The following RALGDS variants were observed in gnomAD, a reference collection of about 807,000 sequenced individuals.
RALGDS encodes the protein ral guanine nucleotide exchange factor.
Under a neutral mutation model 99.8 loss-of-function variants are expected in RALGDS, and 44 were observed. The ratio of observed to expected loss-of-function variants is 0.44; its 90% CI spans 0.35 to 0.57. The LOEUF is 0.57. Ranked by LOEUF, RALGDS falls within the 20% of genes least tolerant of loss-of-function variation. The pLI, the probability that RALGDS is intolerant of heterozygous loss-of-function variation, is 0.01. For missense variants in RALGDS, 1,022 were observed against 1,203.1 expected, an observed-to-expected ratio of 0.85 and a Z score of 2.23; for synonymous variants, 529 against 505.0, an observed-to-expected ratio of 1.05 and a Z score of -0.64.
upstream of RALGDS, among the ~76,000 whole-genome samples, chr9:133,124,161 T>TAGAGAC (rs1832073526): frequency 1.0e-5 from 1 of 100,368 alleles, no homozygotes; most frequent in African/African-American, 4.1e-5. Context: ...GACACATACA[T>TAGAGAC]AGAGACAGAG....
rs1231496341 is a variant in RALGDS, at chr9:133,141,549, C to T, written c.18+7414G>A. On this transcript the variant is annotated intron_variant, in intron 1 of 17. Coordinates refer to the RALGDS transcript ENST00000393160. Reference sequence around the variant, plus strand: ...GGGGACCTGTGCTGCTTCTAGGATGCCCAGCAATAAGCGCTGAGCTGGAAT... The same window carrying T: ...GGGGACCTGTGCTGCTTCTAGGATGTCCAGCAATAAGCGCTGAGCTGGAAT... Among the ~76,000 whole-genome samples, 7 of 145,128 alleles carry T rather than the reference C, an allele frequency of 4.8e-5. No individual in the cohort carries two copies. The East Asian group carries it at 1.2e-3, about 24-fold the overall frequency.
exon 1 of RALGDS, chr9:133,149,189 C>A (rs1832674537): frequency 6.6e-6 from 1 of 152,306 alleles, no homozygotes; most frequent in Admixed American, 6.8e-5. Flanking sequence ...CCGCGCCGCG[C>A]TCCGGCCGCT....
intron 11 of RALGDS, chr9:133,103,537 C>T: frequency 1.4e-6 from 1 of 693,290 alleles, no homozygotes; most frequent in East Asian, 2.7e-5. Context: ...CCTGGCTTCC[C>T]TCTGTGCTCA....
intron 1 of RALGDS, among the ~76,000 whole-genome samples, chr9:133,143,168 C>A (rs1385836847): frequency 6.6e-6 from 1 of 152,224 alleles, no homozygotes; most frequent in Non-Finnish European, 1.5e-5. Context: ...GCAATGGTGA[C>A]TGACCACGCC....
In RALGDS at chr9:133,098,341, G is replaced by A; in HGVS notation, c.*246C>T. 1.1e-5 allele frequency: 6 copies of A among 553,390 alleles called. No individual in the cohort carries two copies. The South Asian group carries it at 1.2e-4, about 11-fold the overall frequency. 34.3% of individuals were successfully genotyped at this position (553,390 alleles called of 1,614,324 possible). A position where few individuals can be genotyped will look rare whatever the true frequency, so the allele number is the denominator to read the frequency against. On this transcript the variant is annotated 3_prime_UTR_variant, in exon 18 of 18. Transcript: ENST00000372050. ...GCCATGCCCGTTGGCACTGCTCCTT[G>A]GCAAAAGTCAGCTAGTCCTCTGGTT...
chr9:133,135,980 A>G (rs187109611), upstream of RALGDS, among the ~76,000 whole-genome samples: 1 of 152,312 alleles, frequency 6.6e-6, no homozygotes, highest in East Asian at 1.9e-4. Flanking sequence ...CCATTTCTCT[A>G]CTGAAGGAGA....
At chr9:133,121,348 G>A (rs60289535), upstream of RALGDS, 2,869 of 504,676 alleles carry the variant, frequency 5.7e-3, 79 homozygotes, top group African/African-American at 0.054. Context: ...GGACGCGTGC[G>A]TGCGCGCGCC....
At chr9:133,119,592 C>G (rs1831806220) in intron 1 of RALGDS, among the ~76,000 whole-genome samples, 1 of 152,118 alleles carries the variant, frequency 6.6e-6, no homozygotes, top group Admixed American at 6.5e-5. Flanking sequence ...GAGCGCTCCG[C>G]CGGACCCTCC....
At chr9:133,146,438 C>T (rs901942720) in intron 1 of RALGDS, among the ~76,000 whole-genome samples, 4 of 152,124 alleles carry the variant, frequency 2.6e-5, no homozygotes, top group African/African-American at 4.8e-5. Flanking sequence ...GTGATCCACC[C>T]GCCTCGGCCT....
upstream of RALGDS, among the ~76,000 whole-genome samples, chr9:133,134,550 G>A (rs1272255726): frequency 6.6e-6 from 1 of 152,238 alleles, no homozygotes; most frequent in Non-Finnish European, 1.5e-5. Context: ...AAGGCAGGGT[G>A]TAAGTCCGGC....
chr9:133,112,835 C>T (rs562085094), intron 1 of RALGDS, among the ~76,000 whole-genome samples: 62 of 152,324 alleles, frequency 4.1e-4, no homozygotes, highest in African/African-American at 1.4e-3. Flanking sequence ...CTCGTGCCTG[C>T]TTGGGCAATG....
At position 133,121,200 on chromosome 9, in the gene RALGDS, G is replaced by GGGCGGCGGC. The variant is rs1831925340; in HGVS notation, c.-55_-47dup. On this transcript the variant is annotated 5_prime_UTR_variant, in exon 1 of 18. Transcript: ENST00000372050. ...GCGGGGCCGGCCCGGCGCGCGGCGG[G>GGGCGGCGGC]GGCGGCGGCGCGGCCCGCGCGGCTG... The GGGCGGCGGC allele has an allele frequency of 1.1e-6, 1 of 884,970 alleles. No individual in the cohort carries two copies. The highest frequency in any genetic ancestry group is 1.8e-5 in the African/African-American group (1 of 55,512). The allele number at this position is 884,970 out of a possible 1,614,324, so 54.8% of individuals were successfully genotyped here. A position where few individuals can be genotyped will look rare whatever the true frequency, so the allele number is the denominator to read the frequency against.
intron 4 of RALGDS, 28 bp from the exon 5 acceptor site, chr9:133,108,894 C>A: frequency 1.3e-6 from 2 of 1,591,746 alleles, no homozygotes; most frequent in South Asian, 1.1e-5. Flanking sequence ...GCAGCAGAGT[C>A]AGAGGCCTGG....
chr9:133,120,274 C>T (rs1162641500), intron 1 of RALGDS, among the ~76,000 whole-genome samples: 3 of 152,142 alleles, frequency 2.0e-5, no homozygotes, highest in Admixed American at 1.3e-4. Flanking sequence ...TTCTCTGAAT[C>T]CTACCCAGTC....
At chr9:133,137,542 C>T (rs1832447764) in intron 1 of RALGDS, among the ~76,000 whole-genome samples, 1 of 152,262 alleles carries the variant, frequency 6.6e-6, no homozygotes, top group Non-Finnish European at 1.5e-5. Context: ...GGCGCCTCTG[C>T]TCACCTGGCT....
intron 1 of RALGDS, among the ~76,000 whole-genome samples, chr9:133,140,425 C>T (rs1411664952): frequency 6.6e-6 from 1 of 152,134 alleles, no homozygotes; most frequent in Non-Finnish European, 1.5e-5. Context: ...CCCCTCCCTG[C>T]CTTCCTCCCT....
upstream of RALGDS, among the ~76,000 whole-genome samples, chr9:133,122,770 T>C (rs1831994420): frequency 6.6e-6 from 1 of 151,928 alleles, no homozygotes; most frequent in East Asian, 1.9e-4. Context: ...AGTGGTGTGA[T>C]CTCGGCTCAC....
chr9:133,147,575 T>C (rs1832643793), intron 1 of RALGDS, among the ~76,000 whole-genome samples: 1 of 152,144 alleles, frequency 6.6e-6, no homozygotes, highest in African/African-American at 2.4e-5. Context: ...TGGAGAGGGA[T>C]GCTAGTAATG....
intron 1 of RALGDS, among the ~76,000 whole-genome samples, chr9:133,112,542 G>GT (rs1339530541): frequency 6.6e-6 from 1 of 152,190 alleles, no homozygotes; most frequent in East Asian, 1.9e-4. Context: ...GCTGCCTCGG[G>GT]TAAGTGGTGA....
Sources: allele counts gnomAD v4.1 joint callset (sites outside exome capture counted in the v4.1 genomes callset), GRCh38; gene constraint gnomAD v4.1.1; transcripts MANE v1.5; gene names NCBI Gene and HGNC (gene_info 2026-07-23, HGNC 2026-07-21).